The following RNLS variants were observed in gnomAD, a reference collection of about 807,000 sequenced individuals.
RNLS encodes the protein renalase, FAD dependent amine oxidase, also known as renalase.
Under a neutral mutation model 39.8 loss-of-function variants are expected in RNLS, and 39 were observed. That is an observed-to-expected ratio of 0.98 (90% CI 0.76 to 1.28). The LOEUF (loss-of-function observed/expected upper bound fraction) is 1.28. Ranked by LOEUF, RNLS falls within the 50% of genes most tolerant of loss-of-function variation. RNLS has a pLI of 0.00. For missense variants in RNLS, 410 were observed against 413.3 expected (o/e 0.99, Z 0.07); for synonymous variants, 147 against 150.7 (o/e 0.98, Z 0.18).
intron 4 of RNLS, among the ~76,000 whole-genome samples, chr10:88,390,486 A>G (rs1365902102): frequency 6.6e-6 from 1 of 152,226 alleles, no homozygotes; most frequent in Non-Finnish European, 1.5e-5. Flanking sequence ...TCAGTACTCA[A>G]ACTTCCTGAA....
intron 4 of RNLS, among the ~76,000 whole-genome samples, chr10:88,539,834 T>C (rs1478610715): frequency 6.6e-6 from 1 of 152,104 alleles, no homozygotes; most frequent in African/African-American, 2.4e-5. Flanking sequence ...ATCAAGATAA[T>C]TTATCAAATA....
chr10:88,186,041 G>A, the RNLS span, among the ~76,000 whole-genome samples: 1 of 152,154 alleles, frequency 6.6e-6, no homozygotes, highest in African/African-American at 2.4e-5. Context: ...CGGAGATTAT[G>A]AGTGGAGACC....
the RNLS span, among the ~76,000 whole-genome samples, chr10:88,251,030 T>A: frequency 1.2e-4 from 19 of 152,222 alleles, no homozygotes. Flanking sequence ...AATTTTATCT[T>A]TTGGGATCAA....
chr10:88,176,052 G>A, the RNLS span, among the ~76,000 whole-genome samples: 7 of 152,186 alleles, frequency 4.6e-5, no homozygotes, highest in Admixed American at 3.9e-4. Flanking sequence ...TTCTGTTTGT[G>A]TGGAATATCG....
At chr10:88,368,512 A>C (rs1850292649) in intron 4 of RNLS, among the ~76,000 whole-genome samples, 1 of 144,156 alleles carries the variant, frequency 6.9e-6, no homozygotes, top group African/African-American at 2.6e-5. Flanking sequence ...CATTATTCTG[A>C]TAAGTAACAT....
chr10:88,379,810 G>C (rs1010446121), intron 4 of RNLS, among the ~76,000 whole-genome samples: 1 of 152,142 alleles, frequency 6.6e-6, no homozygotes, highest in African/African-American at 2.4e-5. Context: ...ATCATGTTGT[G>C]AAGAATCTCA....
chr10:88,202,445 T>TA, the RNLS span, among the ~76,000 whole-genome samples: 197 of 149,882 alleles, frequency 1.3e-3, 1 homozygote, highest in African/African-American at 4.4e-3. Flanking sequence ...ACTTAAAGTA[T>TA]AAAAAAAAAA....
intron 6 of RNLS, among the ~76,000 whole-genome samples, chr10:88,293,921 T>C (rs1488515582): frequency 6.6e-6 from 1 of 152,188 alleles, no homozygotes; most frequent in African/African-American, 2.4e-5. Flanking sequence ...AAATCTTGTA[T>C]AAAACATGTT....
At chr10:88,499,665 C>T (rs1207040646) in intron 4 of RNLS, among the ~76,000 whole-genome samples, 1 of 151,994 alleles carries the variant, frequency 6.6e-6, no homozygotes, top group Non-Finnish European at 1.5e-5. Flanking sequence ...GTAACCAGAT[C>T]GAAGTGAACC....
chr10:88,455,818 T>A (rs530402920), intron 4 of RNLS, among the ~76,000 whole-genome samples: 1 of 152,192 alleles, frequency 6.6e-6, no homozygotes, highest in Admixed American at 6.5e-5. Flanking sequence ...AGTGACTTGG[T>A]TATTTCCCAC....
At chr10:88,528,329 C>G (rs1219464450) in intron 4 of RNLS, among the ~76,000 whole-genome samples, 2 of 152,128 alleles carry the variant, frequency 1.3e-5, no homozygotes, top group African/African-American at 4.8e-5. Flanking sequence ...AGTCAAATTA[C>G]AACTCAAGTA....
intron 4 of RNLS, among the ~76,000 whole-genome samples, chr10:88,498,717 G>T (rs371423981): frequency 7.2e-5 from 11 of 151,974 alleles, no homozygotes; most frequent in African/African-American, 2.7e-4. Flanking sequence ...GATAGGAGGT[G>T]TCACTTCTAC....
chr10:88,390,364 C>T (rs1564759283), intron 4 of RNLS, among the ~76,000 whole-genome samples: 1 of 152,132 alleles, frequency 6.6e-6, no homozygotes, highest in Non-Finnish European at 1.5e-5. Context: ...TTTTAATATT[C>T]GTTCGTCTGA....
At chr10:88,462,993 AC>A (rs1843013277) in intron 4 of RNLS, among the ~76,000 whole-genome samples, 1 of 152,074 alleles carries the variant, frequency 6.6e-6, no homozygotes, top group African/African-American at 2.4e-5. Context: ...TAAAGTAAAT[AC>A]TTGCCACTTG....
chr10:88,473,005 A>G (rs1843632057), intron 4 of RNLS, among the ~76,000 whole-genome samples: 1 of 152,190 alleles, frequency 6.6e-6, no homozygotes, highest in African/African-American at 2.4e-5. Flanking sequence ...CATAGAGTGT[A>G]CTAACACAAA....
rs1843142500 is a variant in RNLS, at chr10:88,284,558, C to A, written c.*796G>T. The A allele has an allele frequency of 1.0e-6, 1 of 985,124 alleles. No individual in the cohort carries two copies. The highest frequency in any genetic ancestry group is 4.7e-5 in the South Asian group (1 of 21,280). 61.0% of individuals were successfully genotyped at this position (985,124 alleles called of 1,614,324 possible). On this transcript the variant is annotated 3_prime_UTR_variant, in exon 7 of 7. Coordinates refer to ENST00000331772, the MANE Select transcript of RNLS (RefSeq NM_001031709.3). ...TGTGTTAAATTCATTAAACTCGACACAGTCTAAATGCCACAGCACATACTG... is the reference window on the plus strand; with the variant it reads ...TGTGTTAAATTCATTAAACTCGACAAAGTCTAAATGCCACAGCACATACTG...
chr10:88,334,981 A>G (rs1202153528), intron 5 of RNLS, among the ~76,000 whole-genome samples: 4 of 152,332 alleles, frequency 2.6e-5, no homozygotes, highest in Admixed American at 6.5e-5. Context: ...GTGAGATACC[A>G]ACTCAGTCAA....
intron 4 of RNLS, among the ~76,000 whole-genome samples, chr10:88,394,436 T>C (rs1378523647): frequency 6.6e-6 from 1 of 152,008 alleles, no homozygotes. Context: ...AAAAAACACA[T>C]GAAAAAATGC....
At chr10:88,327,872 G>A (rs1011957559) in intron 5 of RNLS, among the ~76,000 whole-genome samples, 3 of 152,102 alleles carry the variant, frequency 2.0e-5, no homozygotes, top group African/African-American at 7.2e-5. Context: ...CAAAGTGCTA[G>A]GATTATAGGC....
Sources: allele counts gnomAD v4.1 joint callset (sites outside exome capture counted in the v4.1 genomes callset), GRCh38; gene constraint gnomAD v4.1.1; transcripts MANE v1.5; gene names NCBI Gene and HGNC (gene_info 2026-07-23, HGNC 2026-07-21).